Variants in FAM227B observed in about 807,000 individuals in gnomAD.
FAM227B encodes protein FAM227B.
FAM227B carries 88 observed loss-of-function variants against 73.8 expected under a neutral mutation model. That is an observed-to-expected ratio of 1.19 (90% confidence interval 1.00 to 1.42). FAM227B has a LOEUF of 1.42. Among genes scored for constraint, FAM227B ranks in the 40% most tolerant of loss-of-function variants. FAM227B has a pLI of 0.00. For synonymous variants in FAM227B, 210 were observed against 190.5 expected, an observed-to-expected ratio of 1.10 and a Z score of -0.84; for missense variants, 632 against 590.9, an observed-to-expected ratio of 1.07 and a Z score of -0.72.
At chr15:49,571,629 C>A (rs910718777) in intron 8 of FAM227B, among the ~76,000 whole-genome samples, 1 of 151,802 alleles carries the variant, frequency 6.6e-6, no homozygotes, top group African/African-American at 2.4e-5. Flanking sequence ...GTGTTCTTGG[C>A]GCCTTTGTTG....
At chr15:49,576,713 C>A in intron 7 of FAM227B, 28 bp downstream of exon 7, 2 of 1,241,584 alleles carry the variant, frequency 1.6e-6, no homozygotes, top group African/African-American at 1.5e-5. Flanking sequence ...CAAAATGTAT[C>A]CTACAATAAA....
At chr15:49,434,251 A>C (rs2050881970) in intron 11 of FAM227B, 1 of 151,688 alleles carries the variant, frequency 6.6e-6, no homozygotes, top group Non-Finnish European at 1.5e-5. Context: ...GTTTGCATGA[A>C]TAATGAAGAT....
chr15:49,530,801 T>C (rs1597935809), intron 10 of FAM227B, among the ~76,000 whole-genome samples: 1 of 151,680 alleles, frequency 6.6e-6, no homozygotes, highest in Non-Finnish European at 1.5e-5. Context: ...TGAGTTTTAA[T>C]AGAAGAAAAT....
At chr15:49,396,772 CTGCGGCTGAGGGTCCTGTCTGTT>C (rs2047695469) in intron 11 of FAM227B, among the ~76,000 whole-genome samples, 1 of 146,918 alleles carries the variant, frequency 6.8e-6, no homozygotes, top group Admixed American at 6.9e-5. Flanking sequence ...TCCAACAGAC[CTGCGGCTGAGGGTCCTGTCTGTT>C]AGAAGGAAAA....
At chr15:49,342,209 T>A (rs187230321) in intron 13 of FAM227B, among the ~76,000 whole-genome samples, 131 of 152,366 alleles carry the variant, frequency 8.6e-4, no homozygotes, top group Non-Finnish European at 1.6e-3. Context: ...ATCTGGGTGA[T>A]CCAATGCTGG....
chr15:49,593,843 G>A (rs1405240402), intron 3 of FAM227B, among the ~76,000 whole-genome samples: 1 of 152,116 alleles, frequency 6.6e-6, no homozygotes, highest in Non-Finnish European at 1.5e-5. Flanking sequence ...TTGGGCATTT[G>A]GGCTGGTTCC....
chr15:49,465,769 T>A (rs2054215004), intron 11 of FAM227B, among the ~76,000 whole-genome samples: 2 of 152,198 alleles, frequency 1.3e-5, no homozygotes, highest in Admixed American at 1.3e-4. Flanking sequence ...ATTTAGCAAA[T>A]ACTTTTGTTA....
intron 9 of FAM227B, among the ~76,000 whole-genome samples, chr15:49,555,011 A>G (rs1230411083): frequency 6.6e-6 from 1 of 152,190 alleles, no homozygotes; most frequent in Admixed American, 6.5e-5. Flanking sequence ...GACAGCATAC[A>G]GTTGGGTCTT....
chr15:49,593,850 T>C (rs2076731525), intron 3 of FAM227B, among the ~76,000 whole-genome samples: 1 of 152,224 alleles, frequency 6.6e-6, no homozygotes, highest in African/African-American at 2.4e-5. Flanking sequence ...TTTGGGCTGG[T>C]TCCATATTTT....
chr15:49,395,513 G>A (rs955186405), intron 11 of FAM227B, among the ~76,000 whole-genome samples: 12 of 152,190 alleles, frequency 7.9e-5, no homozygotes, highest in Non-Finnish European at 1.6e-4. Flanking sequence ...GTACTGCTGA[G>A]AATCAGGGTT....
At chr15:49,422,145 A>AGAGTGT (rs757128514) in intron 11 of FAM227B, among the ~76,000 whole-genome samples, 2 of 139,822 alleles carry the variant, frequency 1.4e-5, no homozygotes, top group Non-Finnish European at 3.2e-5. Flanking sequence ...AGAGAGAGAG[A>AGAGTGT]GTGTGTGTGT....
intron 11 of FAM227B, among the ~76,000 whole-genome samples, chr15:49,471,114 T>G (rs75345977): frequency 2.2e-3 from 333 of 152,002 alleles, no homozygotes; most frequent in African/African-American, 7.5e-3. Context: ...TTAAAGGGAG[T>G]AGAAAAACTA....
At chr15:49,442,274 C>T (rs2051731161) in intron 11 of FAM227B, among the ~76,000 whole-genome samples, 1 of 151,592 alleles carries the variant, frequency 6.6e-6, no homozygotes, top group Non-Finnish European at 1.5e-5. Flanking sequence ...CTCTGCATGA[C>T]AATATTGACT....
At chr15:49,514,702 A>G (rs527451428) in intron 10 of FAM227B, among the ~76,000 whole-genome samples, 1 of 152,066 alleles carries the variant, frequency 6.6e-6, no homozygotes, top group African/African-American at 2.4e-5. Context: ...CAGGCTGTGA[A>G]TTTTCTTTTC....
At chr15:49,480,564 C>T (rs1162685890) in intron 11 of FAM227B, among the ~76,000 whole-genome samples, 7 of 150,916 alleles carry the variant, frequency 4.6e-5, no homozygotes, top group Non-Finnish European at 1.0e-4. Context: ...TCACTGCAGC[C>T]TCCGCCTTCT....
intron 11 of FAM227B, among the ~76,000 whole-genome samples, chr15:49,489,858 T>TATA (rs1177680830): frequency 2.7e-4 from 2 of 7,366 alleles, no homozygotes; most frequent in Non-Finnish European, 4.0e-4. Flanking sequence ...TATATATATA[T>TATA]TTTATATATA....
intron 11 of FAM227B, among the ~76,000 whole-genome samples, chr15:49,440,520 T>C (rs918972817): frequency 1.3e-5 from 2 of 151,892 alleles, no homozygotes; most frequent in African/African-American, 4.8e-5. Flanking sequence ...CATAAAATTA[T>C]CTAAAATGAA....
chr15:49,401,972 G>C (rs1395890255), intron 11 of FAM227B, among the ~76,000 whole-genome samples: 1 of 150,750 alleles, frequency 6.6e-6, no homozygotes, highest in African/African-American at 2.4e-5. Context: ...TGCACAATGT[G>C]CACATGTACC....
chr15:49,405,378 T>C (rs754387584), intron 11 of FAM227B, among the ~76,000 whole-genome samples: 2 of 152,324 alleles, frequency 1.3e-5, no homozygotes, highest in African/African-American at 2.4e-5. Flanking sequence ...CCCATCTCTT[T>C]TGGGGACACC....
Sources: gnomAD v4.1 joint callset for allele counts (sites outside exome capture counted in the v4.1 genomes callset) on GRCh38, gnomAD v4.1.1 for gene constraint, MANE v1.5 for transcripts, NCBI Gene and HGNC (gene_info 2026-07-23, HGNC 2026-07-21) for gene names.